GPR55: variants seen among roughly 807,000 people sequenced by gnomAD.
GPR55 encodes the protein G protein-coupled receptor 55.
GPR55 carries 6 observed loss-of-function variants against 7.9 expected under a neutral mutation model. That is an observed-to-expected ratio of 0.76 (90% CI 0.41 to 1.49). The LOEUF is 1.49. Among genes scored for constraint, GPR55 ranks in the 40% most tolerant of loss-of-function variants. GPR55 has a pLI of 0.01. For missense variants in GPR55, 376 were observed against 406.0 expected, an observed-to-expected ratio of 0.93 and a Z score of 0.63; for synonymous variants, 183 against 166.8, an observed-to-expected ratio of 1.10 and a Z score of -0.75.
chr2:230,929,068 G>T (rs953395780), upstream of GPR55, among the ~76,000 whole-genome samples: 4 of 152,098 alleles, frequency 2.6e-5, no homozygotes, highest in Non-Finnish European at 5.9e-5. Context: ...TGCCCAGGCT[G>T]GTCTCGGACT....
chr2:230,914,005 C>T (rs1215860329), intron 1 of GPR55, among the ~76,000 whole-genome samples: 1 of 152,198 alleles, frequency 6.6e-6, no homozygotes, highest in African/African-American at 2.4e-5. Flanking sequence ...GAAAAAGGAG[C>T]CACCAATGAC....
chr2:230,953,612 T>C (rs532548816), intron 1 of GPR55, among the ~76,000 whole-genome samples: 1 of 152,286 alleles, frequency 6.6e-6, no homozygotes, highest in East Asian at 1.9e-4. Flanking sequence ...GATAATAAAT[T>C]TGTGTTATTT....
At chr2:230,950,776 C>T (rs1358767791) in intron 1 of GPR55, among the ~76,000 whole-genome samples, 1 of 152,094 alleles carries the variant, frequency 6.6e-6, no homozygotes, top group African/African-American at 2.4e-5. Context: ...TTCTCCAGCT[C>T]TCCTTTCACC....
At chr2:230,926,458 AG>A (rs896644822), upstream of GPR55, among the ~76,000 whole-genome samples, 4 of 152,198 alleles carry the variant, frequency 2.6e-5, no homozygotes, top group East Asian at 1.9e-4. Context: ...CTACTGGGCA[AG>A]GGGGGGCAGC....
At chr2:230,936,959 G>C (rs536342025) in intron 1 of GPR55, among the ~76,000 whole-genome samples, 1 of 152,208 alleles carries the variant, frequency 6.6e-6, no homozygotes, top group Admixed American at 6.5e-5. Context: ...ACCTGAGCCA[G>C]ATTTCCTATG....
At chr2:230,917,626 G>A (rs1690746241) in intron 1 of GPR55, among the ~76,000 whole-genome samples, 1 of 152,140 alleles carries the variant, frequency 6.6e-6, no homozygotes, top group Non-Finnish European at 1.5e-5. Context: ...TCACAACATA[G>A]TGAAACTTCT....
At position 230,944,010 on chromosome 2, in the gene GPR55, T is replaced by C. The variant is rs549797957; in HGVS notation, c.-135+16765A>G. On this transcript the variant is annotated intron_variant, in intron 1 of 1. Transcript: ENST00000392039. The surrounding 1 kb of genome is among the most constrained non-coding windows in gnomAD (Gnocchi z 4.2). The stretch of plus-strand genomic sequence containing the variant: ...GAATGGCCTAACACAGGGTCTGTCT[T>C]AGGAAGGGGCCCTCGGGCTGTCCCT... 4.4e-4 allele frequency among the ~76,000 whole-genome samples: 67 copies of C among 152,352 alleles called. No individual in the cohort carries two copies. The highest frequency in any genetic ancestry group is 8.4e-4 in the Non-Finnish European group (57 of 68,030).
chr2:230,925,338 T>C (rs552131955), upstream of GPR55: 1 of 152,812 alleles, frequency 6.5e-6, no homozygotes, highest in East Asian at 1.9e-4. Context: ...AGTGTCACCC[T>C]GTCTGGCTTA....
At chr2:230,920,980 A>G (rs1052413112) in intron 1 of GPR55, among the ~76,000 whole-genome samples, 7 of 152,250 alleles carry the variant, frequency 4.6e-5, no homozygotes, top group African/African-American at 1.7e-4. Flanking sequence ...GACACAGAGT[A>G]AAATGATAGC....
rs751153927 is a variant in GPR55 at position 230,930,463 on chromosome 2, C to CT, written c.-134-19368dup. Among the ~76,000 whole-genome samples the CT allele has an allele frequency of 2.1e-3, 300 of 141,322 alleles. 5 individuals carry two copies. Among genetic ancestry groups the CT allele is most frequent in the South Asian group, 3.1e-3 (14 of 4,450 alleles). 92.7% of individuals were successfully genotyped at this position (141,322 alleles called of 152,430 possible). On this transcript the variant is annotated intron_variant, in intron 1 of 1. Coordinates refer to the GPR55 transcript ENST00000392039. Reference sequence around the variant, plus strand: ...TGTTTTGTTTTTCTTTTCTTTCTTTCTTTTTTTTTTTTTTAGACAGAGTCT... The same window carrying CT: ...TGTTTTGTTTTTCTTTTCTTTCTTTCTTTTTTTTTTTTTTTAGACAGAGTCT...
chr2:230,927,156 C>T (rs186802596), upstream of GPR55, among the ~76,000 whole-genome samples: 1 of 152,300 alleles, frequency 6.6e-6, no homozygotes, highest in Non-Finnish European at 1.5e-5. Flanking sequence ...TCACCTACCC[C>T]CCAGGGCACC....
intron 1 of GPR55, among the ~76,000 whole-genome samples, chr2:230,959,557 G>A (rs1262694936): frequency 6.6e-6 from 1 of 152,206 alleles, no homozygotes; most frequent in Non-Finnish European, 1.5e-5. Flanking sequence ...TTGAAGCGCA[G>A]AGAAGCAGCT....
At chr2:230,940,646 G>A (rs1270300968) in intron 1 of GPR55, among the ~76,000 whole-genome samples, 1 of 152,190 alleles carries the variant, frequency 6.6e-6, no homozygotes, top group Non-Finnish European at 1.5e-5. Flanking sequence ...AGGATTCACA[G>A]CACCTGCCTC....
At chr2:230,950,222 A>G (rs1335550523) in intron 1 of GPR55, among the ~76,000 whole-genome samples, 1 of 152,240 alleles carries the variant, frequency 6.6e-6, no homozygotes, top group African/African-American at 2.4e-5. Flanking sequence ...AAGAGTGTAA[A>G]GGGGTCCTGA....
intron 1 of GPR55, among the ~76,000 whole-genome samples, chr2:230,951,247 G>A (rs1256694904): frequency 6.6e-6 from 1 of 152,062 alleles, no homozygotes; most frequent in African/African-American, 2.4e-5. Flanking sequence ...AGACAGTGTT[G>A]GAATTGAACT....
intron 1 of GPR55, among the ~76,000 whole-genome samples, chr2:230,930,320 T>C (rs1005666771): frequency 1.3e-5 from 2 of 152,244 alleles, no homozygotes; most frequent in African/African-American, 4.8e-5. Flanking sequence ...AGGAGCCTAA[T>C]ATTCTGTTTT....
intron 1 of GPR55, among the ~76,000 whole-genome samples, chr2:230,953,607 T>C (rs1027100041): frequency 6.6e-6 from 1 of 152,156 alleles, no homozygotes; most frequent in Non-Finnish European, 1.5e-5. Flanking sequence ...TGTAAGATAA[T>C]AAATTTGTGT....
chr2:230,935,283 G>A (rs1166181282), intron 1 of GPR55, among the ~76,000 whole-genome samples: 1 of 152,136 alleles, frequency 6.6e-6, no homozygotes, highest in Non-Finnish European at 1.5e-5. Context: ...TAGAGTGTGT[G>A]GTCCCAGCCC....
intron 1 of GPR55, among the ~76,000 whole-genome samples, chr2:230,931,489 C>A (rs907006349): frequency 6.6e-6 from 1 of 152,172 alleles, no homozygotes; most frequent in Non-Finnish European, 1.5e-5. Flanking sequence ...TTCTACCTGT[C>A]CCACCTTGCT....
Sources: gnomAD v4.1 joint callset for allele counts (sites outside exome capture counted in the v4.1 genomes callset) on GRCh38, gnomAD v4.1.1 for gene constraint, Gnocchi (gnomAD v3.1) non-coding constraint, MANE v1.5 for transcripts, NCBI Gene and HGNC (gene_info 2026-07-23, HGNC 2026-07-21) for gene names.